The following SUSD4 variants were observed in gnomAD, a reference collection of about 807,000 sequenced individuals.
The protein encoded by SUSD4 is sushi domain containing 4.
SUSD4 carries 41 observed loss-of-function variants against 50.5 expected under a neutral mutation model. That is an observed-to-expected ratio of 0.81 (90% CI 0.63 to 1.05). The LOEUF (loss-of-function observed/expected upper bound fraction) is 1.05, where lower values mean the gene tolerates loss of function less well. SUSD4 is among the 50% of genes least tolerant of loss of function. SUSD4 has a pLI of 0.00. For synonymous variants in SUSD4, 257 were observed against 257.3 expected (o/e 1.00, Z 0.01); for missense variants, 580 against 634.7 (o/e 0.91, Z 0.93).
intron 4 of SUSD4, 77 bp from the exon 5 acceptor site, chr1:223,264,895 A>C (rs970728694): frequency 2.1e-6 from 3 of 1,451,818 alleles, no homozygotes; most frequent in Non-Finnish European, 2.8e-6. Context: ...AGAACACTGG[A>C]ACTTTTTAGG....
chr1:223,253,477 AT>A (rs572999314), intron 5 of SUSD4, among the ~76,000 whole-genome samples: 65 of 152,328 alleles, frequency 4.3e-4, no homozygotes, highest in Non-Finnish European at 9.0e-4. Flanking sequence ...TGTCTAATTA[AT>A]TTGGGAGAAA....
chr1:223,280,025 C>A (rs1388337027), intron 3 of SUSD4, among the ~76,000 whole-genome samples: 3 of 152,132 alleles, frequency 2.0e-5, no homozygotes, highest in Non-Finnish European at 4.4e-5. Context: ...CCTTTACAGA[C>A]AAGCAAATGC....
At chr1:223,299,255 G>A (rs1307645978) in intron 2 of SUSD4, among the ~76,000 whole-genome samples, 1 of 152,180 alleles carries the variant, frequency 6.6e-6, no homozygotes, top group Non-Finnish European at 1.5e-5. Context: ...TAGGGAAGCA[G>A]AGTGGAAAAT....
chr1:223,329,522 T>C (rs1052118635), intron 2 of SUSD4, among the ~76,000 whole-genome samples: 1 of 152,210 alleles, frequency 6.6e-6, no homozygotes, highest in Non-Finnish European at 1.5e-5. Flanking sequence ...TTCTCTATTT[T>C]ATAGTCATTT....
chr1:223,220,848 A>G lies in SUSD4; in HGVS notation c.*1344T>C, dbSNP rs894585968. On this transcript the variant is annotated 3_prime_UTR_variant, in exon 9 of 9. Transcript: ENST00000366878. ...AACTGTCATTTTCTTTTAATTTTTAATCAGTCTGTGTCAAGAAGAAACAGG... is the reference window on the plus strand; with the variant it reads ...AACTGTCATTTTCTTTTAATTTTTAGTCAGTCTGTGTCAAGAAGAAACAGG... The G allele has an allele frequency of 1.5e-5, 6 of 394,390 alleles. No homozygotes were observed. Among genetic ancestry groups the G allele is most frequent in the Non-Finnish European group, 1.8e-5 (4 of 223,528 alleles). The allele number at this position is 394,390 out of a possible 1,614,324, so 24.4% of individuals were successfully genotyped here. A position where few individuals can be genotyped will look rare whatever the true frequency, so the allele number is the denominator to read the frequency against.
intron 2 of SUSD4, among the ~76,000 whole-genome samples, chr1:223,313,533 A>C (rs1007311051): frequency 3.9e-5 from 6 of 151,996 alleles, no homozygotes; most frequent in African/African-American, 1.2e-4. Context: ...AAATTATGAA[A>C]CCTGAGGGGG....
At position 223,264,228 on chromosome 1, in the gene SUSD4, C is replaced by T. The variant is rs1374271984; in HGVS notation, c.724+402G>A. 3.0e-6 allele frequency: 3 copies of T among 985,190 alleles called. No individual in the cohort carries two copies. In the African/African-American group the frequency reaches 5.2e-5, roughly 17 times the overall value. The allele number at this position is 985,190 out of a possible 1,614,324, so 61.0% of individuals were successfully genotyped here. On this transcript the variant is annotated intron_variant, in intron 5 of 8. Coordinates refer to ENST00000366878, the MANE Select transcript of SUSD4 (RefSeq NM_017982.4). ...TTGCAGCAAAACATTTACAGCTAAG[C>T]CATAAAGTGCATGGAAATATGGAGG... is the stretch of plus-strand genomic sequence containing the variant.
At chr1:223,296,887 G>A (rs1031568623) in intron 2 of SUSD4, among the ~76,000 whole-genome samples, 3 of 152,102 alleles carry the variant, frequency 2.0e-5, no homozygotes, top group South Asian at 2.1e-4. Flanking sequence ...AGGCCACCCC[G>A]GTCCTGTGGA....
chr1:223,279,408 A>G (rs1286429609), intron 3 of SUSD4, among the ~76,000 whole-genome samples: 1 of 152,252 alleles, frequency 6.6e-6, no homozygotes, highest in East Asian at 1.9e-4. Context: ...CCATGGCACA[A>G]GAACTACATG....
rs78251370 is a variant in SUSD4, at chr1:223,226,359, G to A, written c.1061+1235C>T. On this transcript the variant is annotated intron_variant, in intron 7 of 8. Coordinates refer to ENST00000366878, the MANE Select transcript of SUSD4 (RefSeq NM_017982.4). ...CTGACACACCTCTGGGCCTGGGGAG[G>A]GATGCAGGTGACACCCACATCTAGC... 4.7e-3 allele frequency among the ~76,000 whole-genome samples: 716 copies of A among 152,332 alleles called. 27 individuals are homozygous for A. The East Asian group carries it at 0.096, about 20-fold the overall frequency.
At chr1:223,270,492 C>T (rs1443646608) in intron 3 of SUSD4, among the ~76,000 whole-genome samples, 1 of 152,204 alleles carries the variant, frequency 6.6e-6, no homozygotes, top group Non-Finnish European at 1.5e-5. Context: ...ATGATTTCAA[C>T]AAAGAGAGTC....
intron 2 of SUSD4, among the ~76,000 whole-genome samples, chr1:223,326,170 A>G (rs955351349): frequency 1.3e-5 from 2 of 152,252 alleles, no homozygotes; most frequent in Non-Finnish European, 2.9e-5. Context: ...CCAATGGAAC[A>G]GAATAGAGAA....
At chr1:223,242,864 C>T (rs1032371699) in intron 5 of SUSD4, among the ~76,000 whole-genome samples, 3 of 152,110 alleles carry the variant, frequency 2.0e-5, no homozygotes, top group African/African-American at 7.2e-5. Flanking sequence ...AGGGTGAAGT[C>T]GCTGGAGAGT....
intron 2 of SUSD4, among the ~76,000 whole-genome samples, chr1:223,310,729 A>G (rs772471949): frequency 1.3e-5 from 2 of 152,230 alleles, no homozygotes; most frequent in African/African-American, 4.8e-5. Flanking sequence ...CATAATCAAG[A>G]AAAAAATGCT....
intron 5 of SUSD4, chr1:223,264,255 A>C: frequency 3.0e-6 from 3 of 985,458 alleles, no homozygotes; most frequent in Non-Finnish European, 3.6e-6. Context: ...ATATGGAGGA[A>C]ACAGCGACAC....
chr1:223,282,037 A>C (rs1413029365), intron 3 of SUSD4, among the ~76,000 whole-genome samples: 1 of 152,228 alleles, frequency 6.6e-6, no homozygotes, highest in African/African-American at 2.4e-5. Context: ...AAAATTCAAC[A>C]ACCCTTCATG....
chr1:223,222,509 A>G (rs1313674944), intron 8 of SUSD4, among the ~76,000 whole-genome samples: 1 of 152,232 alleles, frequency 6.6e-6, no homozygotes, highest in Admixed American at 6.5e-5. Flanking sequence ...AGAAAGTTGC[A>G]AATTCAAGTA....
chr1:223,268,046 C>T (rs201658883), intron 4 of SUSD4, among the ~76,000 whole-genome samples: 7,201 of 29,094 alleles, frequency 0.25, 834 homozygotes, highest in African/African-American at 0.43. Context: ...TATATATACA[C>T]ACACACTGTT....
chr1:223,229,125 AACC>A lies in SUSD4; in HGVS notation c.916+69_916+71del. On this transcript the variant is annotated intron_variant, in intron 6 of 8. Coordinates refer to ENST00000366878, the MANE Select transcript of SUSD4 (RefSeq NM_017982.4). This position sits in a 1 kb window ranked among gnomAD's most constrained non-coding sequence, Gnocchi z 4.7. ...GGAGGAGAGATACAGCTTGGTACAT[AACC>A]ACCACCCACTATGTGCAGATGGTCC... 6.9e-7 allele frequency: 1 copy of A among 1,451,908 alleles called. No homozygotes were observed. Among genetic ancestry groups the A allele is most frequent in the Non-Finnish European group, 9.4e-7 (1 of 1,062,574 alleles). The allele number at this position is 1,451,908 out of a possible 1,614,324, so 89.9% of individuals were successfully genotyped here. A position where few individuals can be genotyped will look rare whatever the true frequency, so the allele number is the denominator to read the frequency against.
Sources: gnomAD v4.1 joint callset for allele counts (sites outside exome capture counted in the v4.1 genomes callset) on GRCh38, gnomAD v4.1.1 for gene constraint, Gnocchi (gnomAD v3.1) non-coding constraint, MANE v1.5 for transcripts, NCBI Gene and HGNC (gene_info 2026-07-23, HGNC 2026-07-21) for gene names.